LDLRAD2: variants seen among roughly 807,000 people sequenced by gnomAD.
The protein encoded by LDLRAD2 is low density lipoprotein receptor class A domain containing 2, also known as low-density lipoprotein receptor class A domain-containing protein 2.
Under a neutral mutation model 24.9 loss-of-function variants are expected in LDLRAD2, and 25 were observed. That is an observed-to-expected ratio of 1.00 (90% CI 0.73 to 1.40). The LOEUF (loss-of-function observed/expected upper bound fraction) is 1.40. LDLRAD2 is among the 40% of genes most tolerant of loss of function. LDLRAD2 has a pLI of 0.00. For missense variants in LDLRAD2, 391 were observed against 366.2 expected, an observed-to-expected ratio of 1.07 and a Z score of -0.55; for synonymous variants, 182 against 166.7, an observed-to-expected ratio of 1.09 and a Z score of -0.71.
In LDLRAD2 at chr1:21,824,883, G is replaced by T; in HGVS notation, c.*2668G>T. ...TCCACGCCAACATGCAGGACTAGGG[G>T]GCTCCGAGCCTGCAGTCCCTGGGGA... is the stretch of plus-strand genomic sequence containing the variant. On this transcript the variant is annotated 3_prime_UTR_variant, in exon 5 of 5. Transcript: ENST00000344642. This position sits in a 1 kb window ranked among gnomAD's most constrained non-coding sequence, Gnocchi z 5.9. 9.1e-7 allele frequency: 1 copy of T among 1,094,792 alleles called. No homozygotes were observed. Among genetic ancestry groups the T allele is most frequent in the Non-Finnish European group, 1.4e-6 (1 of 733,504 alleles). The allele number at this position is 1,094,792 out of a possible 1,614,324, so 67.8% of individuals were successfully genotyped here. A position where few individuals can be genotyped will look rare whatever the true frequency, so the allele number is the denominator to read the frequency against.
Position 21,823,939 on chromosome 1 carries a change from G to T in LDLRAD2, c.*1724G>T. Reference sequence around the variant, plus strand: ...CCTCCCACTCCTGGGGCACTCGCCTGCCCCCAGCGGAGTTCAGTCCGAGAT... The same window carrying T: ...CCTCCCACTCCTGGGGCACTCGCCTTCCCCCAGCGGAGTTCAGTCCGAGAT... On this transcript the variant is annotated 3_prime_UTR_variant, in exon 5 of 5. Transcript: ENST00000344642. 1 of 756,984 alleles carries T rather than the reference G, an allele frequency of 1.3e-6. No homozygotes were observed. Among genetic ancestry groups the T allele is most frequent in the Non-Finnish European group, 2.2e-6 (1 of 447,728 alleles). The allele number at this position is 756,984 out of a possible 1,614,324, so 46.9% of individuals were successfully genotyped here.
In LDLRAD2 at chr1:21,814,616, GC is replaced by G. The variant is rs758209116; in HGVS notation, c.308del (p.Pro103ArgfsTer31). ...APPALNTSSP[A>X]PADPCAPGSY... ...CCCGGCGCTCAACACCTCCTCCCCG[GC>G]CCCGGCCGACCCGTGCGCCCCCGGC... On this transcript the variant is annotated frameshift_variant, in exon 2 of 5. Coordinates refer to ENST00000344642, the MANE Select transcript of LDLRAD2 (RefSeq NM_001013693.3). LOFTEE classifies it high-confidence loss of function. The G allele has an allele frequency of 6.2e-7, 1 of 1,609,562 alleles. No individual in the cohort carries two copies. Among genetic ancestry groups the G allele is most frequent in the Non-Finnish European group, 8.5e-7 (1 of 1,178,178 alleles).
chr1:21,818,259 G>A lies in LDLRAD2; in HGVS notation c.643+2185G>A, dbSNP rs1317780202. Among the ~76,000 whole-genome samples, 18 of 150,258 alleles carry A rather than the reference G, an allele frequency of 1.2e-4. 1 individual carries two copies. The highest frequency in any genetic ancestry group is 2.1e-4 in the South Asian group (1 of 4,694). On this transcript the variant is annotated intron_variant, in intron 3 of 4. Coordinates refer to ENST00000344642, the MANE Select transcript of LDLRAD2 (RefSeq NM_001013693.3). ...ACTCCTGACCTCAAGTGATCCACCC[G>A]CCTTGGCCTCCCAAAGTGCTGGGAT...
chr1:21,813,903 G>A (rs1005415919), intron 1 of LDLRAD2, among the ~76,000 whole-genome samples: 5 of 149,542 alleles, frequency 3.3e-5, no homozygotes, highest in Non-Finnish European at 5.9e-5. Context: ...ACGGAGTCTC[G>A]CTGTGTTACC....
intron 3 of LDLRAD2, among the ~76,000 whole-genome samples, chr1:21,821,212 T>C (rs1483970193): frequency 2.0e-5 from 3 of 152,152 alleles, no homozygotes; most frequent in Non-Finnish European, 4.4e-5. Flanking sequence ...TCAGTACATG[T>C]ACACCCTCTT....
chr1:21,813,594 A>C (rs1433291019), intron 1 of LDLRAD2, among the ~76,000 whole-genome samples: 1 of 152,170 alleles, frequency 6.6e-6, no homozygotes, highest in Non-Finnish European at 1.5e-5. Context: ...TCCTCACAAC[A>C]ACCCTGTACC....
At chr1:21,821,426 C>CTA in intron 3 of LDLRAD2, 24 bp from the exon 4 acceptor site, 1 of 1,613,864 alleles carries the variant, frequency 6.2e-7, no homozygotes, top group Non-Finnish European at 8.5e-7. Context: ...TCTCAGTGTG[C>CTA]TAGTTCTGTT....
Position 21,824,170 on chromosome 1 carries a change from A to G in LDLRAD2, c.*1955A>G. ...TCGCCGTCATTGATGGGGTCCTCAG[A>G]GACCAGGCGGGCCTCCCCACTACCC... is the stretch of plus-strand genomic sequence containing the variant. On this transcript the variant is annotated 3_prime_UTR_variant, in exon 5 of 5. Coordinates refer to ENST00000344642, the MANE Select transcript of LDLRAD2 (RefSeq NM_001013693.3). This position sits in a 1 kb window ranked among gnomAD's most constrained non-coding sequence, Gnocchi z 5.9. 6.2e-7 allele frequency: 1 copy of G among 1,613,694 alleles called. No homozygotes were observed. The highest frequency in any genetic ancestry group is 8.5e-7 in the Non-Finnish European group (1 of 1,180,012).
At chr1:21,819,521 T>C (rs2097947960) in intron 3 of LDLRAD2, among the ~76,000 whole-genome samples, 1 of 151,230 alleles carries the variant, frequency 6.6e-6, no homozygotes, top group South Asian at 2.1e-4. Flanking sequence ...TTACCTTTCT[T>C]TATAAATTTA....
rs930549980 is a variant in LDLRAD2 at position 21,823,845 on chromosome 1, T to C, written c.*1630T>C. 6 of 810,618 alleles carry C rather than the reference T, an allele frequency of 7.4e-6. No individual in the cohort carries two copies. The African/African-American group carries it at 1.0e-4, about 14-fold the overall frequency. The allele number at this position is 810,618 out of a possible 1,614,324, so 50.2% of individuals were successfully genotyped here. ...AAGTCTGTCCCTGTTTCCCAAGCTC[T>C]TTCTTTCCCCCGCTGAACGAGAGAT... On this transcript the variant is annotated 3_prime_UTR_variant, in exon 5 of 5. Transcript: ENST00000344642.
chr1:21,820,982 G>C (rs146203168), intron 3 of LDLRAD2, among the ~76,000 whole-genome samples: 4 of 152,194 alleles, frequency 2.6e-5, no homozygotes, highest in Non-Finnish European at 4.4e-5. Flanking sequence ...TGGATTGCTT[G>C]AGCTCAGGAG....
rs1237462559 is a variant in LDLRAD2 at position 21,814,720 on chromosome 1, G to A, written c.408G>A (p.Pro136=). The A allele has an allele frequency of 1.9e-6, 3 of 1,555,920 alleles. No homozygotes were observed. The highest frequency in any genetic ancestry group is 1.4e-5 in the African/African-American group (1 of 72,994). Residue 136 remains proline, a synonymous_variant, in exon 2 of 5, where the codon CCG becomes CCA. Transcript: ENST00000344642. ...LGSPLCGLNI[P]VPVASSGPFL... is the part of the protein sequence containing the mutation. Reference sequence around the variant, plus strand: ...CCCCACTGTGCGGCCTGAACATCCCGGTGCCTGTGGCATCCTCCGGACCCT... The same window carrying A: ...CCCCACTGTGCGGCCTGAACATCCCAGTGCCTGTGGCATCCTCCGGACCCT...
chr1:21,821,478 A>T lies in LDLRAD2; in HGVS notation c.672A>T (p.Gly224=), dbSNP rs183450790. 3 of 1,613,970 alleles carry T rather than the reference A, an allele frequency of 1.9e-6. No individual in the cohort carries two copies. The African/African-American group carries it at 4.0e-5, about 22-fold the overall frequency. The change falls in exon 4 of 5, where the codon GGA becomes GGT. Residue 224 remains glycine (G), a synonymous_variant. Transcript: ENST00000344642. ...CCTCTCCGGTGCCCAGCCAGACAGG[A>T]AGTACAGATGCCCATACCTCCAGAT... ...RGPSPVPSQT[G]STDAHTSRSL...
intron 3 of LDLRAD2, 72 bp from the exon 4 acceptor site, chr1:21,821,378 G>C (rs759503533): frequency 5.0e-5 from 79 of 1,583,232 alleles, no homozygotes; most frequent in Non-Finnish European, 6.5e-5. Context: ...GTCTTGTGAG[G>C]ATTGAATGAA....
chr1:21,822,494 C>CTGTCTGTTGGAGGAGTCTGTTGGAGG lies in LDLRAD2; in HGVS notation c.*279_*280insTGTCTGTTGGAGGAGTCTGTTGGAGG. ...CTTCCTGAGCACCAGCGGCATCCGT[C>CTGTCTGTTGGAGGAGTCTGTTGGAGG]CGTCCGTTGTCTGTTGGAGGAGTCC... On this transcript the variant is annotated 3_prime_UTR_variant, in exon 5 of 5. Coordinates refer to ENST00000344642, the MANE Select transcript of LDLRAD2 (RefSeq NM_001013693.3). 1 of 475,488 alleles carries CTGTCTGTTGGAGGAGTCTGTTGGAGG rather than the reference C, an allele frequency of 2.1e-6. No homozygotes were observed. 29.5% of individuals were successfully genotyped at this position (475,488 alleles called of 1,614,324 possible).
intron 4 of LDLRAD2, chr1:21,821,922 G>A: frequency 7.1e-7 from 1 of 1,417,164 alleles, no homozygotes. Flanking sequence ...GGGGGCTGCA[G>A]TTGAGTGGCC....
intron 3 of LDLRAD2, among the ~76,000 whole-genome samples, chr1:21,816,944 A>T (rs72662412): frequency 6.6e-6 from 1 of 151,912 alleles, no homozygotes; most frequent in East Asian, 1.9e-4. Context: ...CTCCCTGCTC[A>T]GCATCTCTGC....
intron 3 of LDLRAD2, among the ~76,000 whole-genome samples, chr1:21,817,712 T>G (rs904710622): frequency 6.6e-6 from 1 of 152,196 alleles, no homozygotes; most frequent in African/African-American, 2.4e-5. Flanking sequence ...TGGGTGCTAT[T>G]ACTGACATTT....
chr1:21,819,048 C>CT (rs1162083102), intron 3 of LDLRAD2, among the ~76,000 whole-genome samples: 2 of 151,766 alleles, frequency 1.3e-5, no homozygotes, highest in Non-Finnish European at 2.9e-5. Context: ...TGGTGGGTCT[C>CT]TTTAAGTTCT....
Sources: allele counts gnomAD v4.1 joint callset (sites outside exome capture counted in the v4.1 genomes callset), GRCh38; gene constraint gnomAD v4.1.1; non-coding constraint Gnocchi (gnomAD v3.1); transcripts MANE v1.5; gene names NCBI Gene and HGNC (gene_info 2026-07-23, HGNC 2026-07-21).